Variants in TPM3 observed in about 807,000 individuals in gnomAD.
TPM3 encodes the protein tropomyosin 3, also known as tropomyosin alpha-3 chain.
In TPM3, 16 loss-of-function variants were observed where a neutral mutation model predicts 43.1. The observed-to-expected ratio is 0.37, with a 90% CI of 0.25 to 0.56. The LOEUF is 0.56. TPM3 is among the 20% of genes least tolerant of loss of function. The pLI is 0.77. For synonymous variants in TPM3, 101 were observed against 116.9 expected (o/e 0.86, Z 0.88); for missense variants, 176 against 337.2 (o/e 0.52, Z 3.74).
chr1:154,186,313 GACCTC>G (rs1391977722), intron 2 of TPM3, among the ~76,000 whole-genome samples: 2 of 151,506 alleles, frequency 1.3e-5, no homozygotes, highest in African/African-American at 4.9e-5. Flanking sequence ...AGCAGCAGAA[GACCTC>G]ATCCTAGCCA....
chr1:154,167,795 CA>C lies in TPM3; in HGVS notation c.*141del. 6.3e-7 allele frequency: 1 copy of C among 1,576,440 alleles called. No individual in the cohort carries two copies. The highest frequency in any genetic ancestry group is 8.6e-7 in the Non-Finnish European group (1 of 1,160,272). ...TTTGGGGTGGGGGTGGAAGAAAATA[CA>C]TAAGTTGCTTTTTGCTCCCCCATCC... is the stretch of plus-strand genomic sequence containing the variant. On this transcript the variant is annotated 3_prime_UTR_variant, in exon 10 of 10. Transcript: ENST00000651641.
chr1:154,157,741 G>A, downstream of TPM3: 1 of 780,832 alleles, frequency 1.3e-6, no homozygotes, highest in Non-Finnish European at 2.4e-6. Context: ...GTAAAGGAGA[G>A]AAGTTACAAG....
In TPM3 at chr1:154,183,852, C is replaced by CCTTTTTTTTTTTTT. The variant is rs1370162556; in HGVS notation, c.243+7333_243+7334insAAAAAAAAAAAAAG. On this transcript the variant is annotated intron_variant, in intron 2 of 9. Transcript: ENST00000651641. ...GTTCTATTTAGAACAGACTTTTCTC[C>CCTTTTTTTTTTTTT]TTTTTTTTTTTTTTTTTTTTTTTTT... The CCTTTTTTTTTTTTT allele has an allele frequency of 2.0e-5, 2 of 99,312 alleles. 1 individual carries two copies. Among genetic ancestry groups the CCTTTTTTTTTTTTT allele is most frequent in the African/African-American group, 7.8e-5 (2 of 25,526 alleles). The allele number at this position is 99,312 out of a possible 1,614,324, so 6.2% of individuals were successfully genotyped here.
intron 2 of TPM3, chr1:154,183,480 C>T (rs1663213258): frequency 2.2e-6 from 1 of 462,464 alleles, no homozygotes; most frequent in South Asian, 2.1e-5. Flanking sequence ...TGGTTGGCCC[C>T]TTTGCAGGTA....
chr1:154,170,938 T>C, intron 6 of TPM3: 1 of 584,984 alleles, frequency 1.7e-6, no homozygotes, highest in South Asian at 2.0e-5. Context: ...CTTTTTAAGA[T>C]GGATCTAAGC....
In TPM3 at chr1:154,167,650, G is replaced by A; in HGVS notation, c.*287C>T. ...TTGATTACATAAGTCAGAGGAGGGGGAGCCTACAATAGCTCTTCCCCACAT... is the reference window on the plus strand; with the variant it reads ...TTGATTACATAAGTCAGAGGAGGGGAAGCCTACAATAGCTCTTCCCCACAT... On this transcript the variant is annotated 3_prime_UTR_variant, in exon 10 of 10. Transcript: ENST00000651641. 1.5e-6 allele frequency: 2 copies of A among 1,299,646 alleles called. No homozygotes were observed. Among genetic ancestry groups the A allele is most frequent in the Non-Finnish European group, 2.0e-6 (2 of 1,015,564 alleles). The allele number at this position is 1,299,646 out of a possible 1,614,324, so 80.5% of individuals were successfully genotyped here. A position where few individuals can be genotyped will look rare whatever the true frequency, so the allele number is the denominator to read the frequency against.
At chr1:154,183,276 C>CAGGCAGGCGGGA in intron 2 of TPM3, 5 of 1,514,854 alleles carry the variant, frequency 3.3e-6, no homozygotes, top group Non-Finnish European at 4.4e-6. Flanking sequence ...CTCCCACCGC[C>CAGGCAGGCGGGA]AGGCAGGCGG....
chr1:154,182,491 C>G (rs969826901), intron 2 of TPM3, among the ~76,000 whole-genome samples: 3 of 152,236 alleles, frequency 2.0e-5, no homozygotes, highest in African/African-American at 7.2e-5. Context: ...TGCCAGCAGG[C>G]AGGCCGGGGT....
chr1:154,159,083 G>C, downstream of TPM3: 1 of 779,296 alleles, frequency 1.3e-6, no homozygotes, highest in Non-Finnish European at 2.4e-6. Flanking sequence ...GAACACAAGA[G>C]AAGGAGAGGA....
Position 154,167,864 on chromosome 1 carries a change from G to A in TPM3, c.*73C>T. Reference sequence around the variant, plus strand: ...GCCAGGCTGACCCAAATGGAATCCAGAGCGAGAGTGGGGCCTTGGGTTCCC... The same window carrying A: ...GCCAGGCTGACCCAAATGGAATCCAAAGCGAGAGTGGGGCCTTGGGTTCCC... On this transcript the variant is annotated 3_prime_UTR_variant, in exon 10 of 10. Transcript: ENST00000651641. 1 of 1,613,730 alleles carries A rather than the reference G, an allele frequency of 6.2e-7. No homozygotes were observed. Among genetic ancestry groups the A allele is most frequent in the Non-Finnish European group, 8.5e-7 (1 of 1,179,768 alleles).
rs2148231173 is a variant in TPM3 at position 154,170,436 on chromosome 1, C to T, written c.739G>A (p.Val247Ile). The change falls in exon 8 of 10, where the codon GTA becomes ATA. Residue 247 changes from valine (V) to isoleucine (I), a missense_variant. Val to Ile is a conservative substitution (Grantham distance 29, BLOSUM62 3). Around this residue, in one of 4 missense-constraint regions of TPM3, gnomAD observed 53 missense variants for 98.3 expected, o/e 0.54. Transcript: ENST00000651641. ...ETRAEFAERS[V>I]AKLEKTIDDL... ...TCAATTGTCTTTTCCAGCTTGGCTA[C>T]CGATCTCTCAGCAAACTCAGCACGG... 6.2e-7 allele frequency: 1 copy of T among 1,614,188 alleles called. No individual in the cohort carries two copies. The highest frequency in any genetic ancestry group is 8.5e-7 in the Non-Finnish European group (1 of 1,180,026).
intron 2 of TPM3, among the ~76,000 whole-genome samples, chr1:154,181,381 C>G (rs773606838): frequency 1.6e-4 from 25 of 151,966 alleles, no homozygotes; most frequent in Admixed American, 6.6e-4. Flanking sequence ...AGAGGAGCAG[C>G]CAAAAAGAAA....
rs776485590 is a variant in TPM3 at position 154,191,176 on chromosome 1, T to G, written c.243+10A>C. 6.2e-7 allele frequency: 1 copy of G among 1,613,726 alleles called. No homozygotes were observed. Among genetic ancestry groups the G allele is most frequent in the Non-Finnish European group, 8.5e-7 (1 of 1,179,908 alleles). On this transcript the variant is annotated intron_variant, in intron 2 of 9. Coordinates refer to ENST00000651641, the MANE Select transcript of TPM3 (RefSeq NM_152263.4). ...AGATTAAACCCATCCTCCATCTCTC[T>G]AATACTCACATCAGCAGCCTTCTTC...
chr1:154,173,346 C>T (rs1571406864), intron 3 of TPM3, 145 bp from the exon 4 acceptor site: 1 of 730,430 alleles, frequency 1.4e-6, no homozygotes, highest in East Asian at 2.6e-5. Context: ...TACTCCCACA[C>T]CTTAGTTTAA....
At chr1:154,159,799 G>C (rs1571355497), downstream of TPM3, among the ~76,000 whole-genome samples, 3 of 152,000 alleles carry the variant, frequency 2.0e-5, no homozygotes, top group African/African-American at 7.3e-5. Flanking sequence ...GGGGGCTTCT[G>C]GGAAAACTTT....
At chr1:154,186,589 A>G (rs1014371702) in intron 2 of TPM3, among the ~76,000 whole-genome samples, 1 of 151,516 alleles carries the variant, frequency 6.6e-6, no homozygotes, top group African/African-American at 2.5e-5. Flanking sequence ...TTATGACTCT[A>G]TGTCCTAACA....
At chr1:154,170,326 A>C (rs1172328714) in intron 8 of TPM3, 74 bp downstream of exon 8, 1 of 1,531,950 alleles carries the variant, frequency 6.5e-7, no homozygotes, top group Non-Finnish European at 9.0e-7. Context: ...TGGTGTACAG[A>C]AAAAGAGATT....
At chr1:154,185,357 A>C (rs1663362291) in intron 2 of TPM3, among the ~76,000 whole-genome samples, 1 of 134,776 alleles carries the variant, frequency 7.4e-6, no homozygotes, top group Non-Finnish European at 1.5e-5. Context: ...CGGGTGACAG[A>C]GTGAGACTCT....
chr1:154,165,975 T>C lies in TPM3; in HGVS notation c.*1962A>G, dbSNP rs1660915463. On this transcript the variant is annotated 3_prime_UTR_variant, in exon 10 of 10. Transcript: ENST00000651641. ...CACAGTATCTGTAGCTTTATGTATGTTTTCTCTCCTAGTAGATTCTAAGCA... is the reference window on the plus strand; with the variant it reads ...CACAGTATCTGTAGCTTTATGTATGCTTTCTCTCCTAGTAGATTCTAAGCA... Among the ~76,000 whole-genome samples, 1 of 152,122 alleles carries C rather than the reference T, an allele frequency of 6.6e-6. No homozygotes were observed. Among genetic ancestry groups the C allele is most frequent in the Admixed American group, 6.5e-5 (1 of 15,274 alleles).
Sources: gnomAD v4.1 joint callset for allele counts (sites outside exome capture counted in the v4.1 genomes callset) on GRCh38, gnomAD v4.1.1 for gene constraint, gnomAD v4.1.1 regional missense constraint, MANE v1.5 for transcripts, NCBI Gene and HGNC (gene_info 2026-07-23, HGNC 2026-07-21) for gene names.